Variants in ADCY10 observed in about 807,000 individuals in gnomAD.
ADCY10 encodes the protein adenylate cyclase 10.
ADCY10 carries 156 observed loss-of-function variants against 183.3 expected under a neutral mutation model. The ratio of observed to expected loss-of-function variants is 0.85; its 90% CI spans 0.75 to 0.97. The LOEUF is 0.97. ADCY10 is among the 50% of genes least tolerant of loss of function. ADCY10 has a pLI of 0.00. For missense variants in ADCY10, 1,745 were observed against 1,934.3 expected, an observed-to-expected ratio of 0.90 and a Z score of 1.84; for synonymous variants, 645 against 670.0, an observed-to-expected ratio of 0.96 and a Z score of 0.58.
chr1:167,829,643 A>G (rs1459802146), intron 25 of ADCY10, among the ~76,000 whole-genome samples: 2 of 152,236 alleles, frequency 1.3e-5, no homozygotes, highest in Non-Finnish European at 2.9e-5. Context: ...TATAATGATT[A>G]AGATAATTTA....
chr1:167,902,850 C>T (rs1276883753), intron 3 of ADCY10, among the ~76,000 whole-genome samples: 1 of 152,242 alleles, frequency 6.6e-6, no homozygotes, highest in Non-Finnish European at 1.5e-5. Context: ...AGTGCTTCAG[C>T]ATCCATCATT....
chr1:167,899,387 G>T (rs970473975), intron 6 of ADCY10, 36 bp downstream of exon 6: 3 of 1,605,856 alleles, frequency 1.9e-6, no homozygotes, highest in Admixed American at 1.7e-5. Context: ...GTTACAGGCT[G>T]GCAGAACTTT....
At chr1:167,893,297 G>A (rs144877227) in intron 8 of ADCY10, among the ~76,000 whole-genome samples, 81 of 152,224 alleles carry the variant, frequency 5.3e-4, no homozygotes, top group Non-Finnish European at 1.1e-3. Context: ...TCCCATTTGC[G>A]CAATTATATA....
At chr1:167,820,074 G>A in intron 30 of ADCY10, 1 of 1,569,924 alleles carries the variant, frequency 6.4e-7, no homozygotes, top group Admixed American at 1.8e-5. Context: ...TCATCCTTGA[G>A]ATAAAATTTG....
intron 31 of ADCY10, among the ~76,000 whole-genome samples, chr1:167,816,258 AT>A (rs1239152723): frequency 6.6e-6 from 1 of 152,112 alleles, no homozygotes; most frequent in Non-Finnish European, 1.5e-5. Flanking sequence ...AAGATAAAAA[AT>A]TTTAGGTCAG....
chr1:167,835,581 G>A (rs1664134569), intron 23 of ADCY10, among the ~76,000 whole-genome samples: 1 of 152,078 alleles, frequency 6.6e-6, no homozygotes, highest in South Asian at 2.1e-4. Flanking sequence ...AGCCTCTTTG[G>A]GGATCACAAT....
intron 13 of ADCY10, 107 bp from the exon 14 acceptor site, chr1:167,870,517 G>T: frequency 9.8e-7 from 1 of 1,021,186 alleles, no homozygotes; most frequent in Non-Finnish European, 1.5e-6. Flanking sequence ...CTTGGGCCAG[G>T]CGCTGTGGCT....
At chr1:167,858,643 G>C (rs1242269347) in intron 16 of ADCY10, among the ~76,000 whole-genome samples, 2 of 152,096 alleles carry the variant, frequency 1.3e-5, no homozygotes, top group African/African-American at 4.8e-5. Context: ...ACAGAAGCCT[G>C]GTGGAAGAAG....
intron 15 of ADCY10, 152 bp downstream of exon 15, chr1:167,860,719 A>T (rs2102047742): frequency 1.5e-6 from 1 of 671,808 alleles, no homozygotes; most frequent in Admixed American, 2.5e-5. Context: ...AAGAATGTTG[A>T]TGCACATCCA....
chr1:167,829,244 G>C (rs778148521), intron 26 of ADCY10, 23 bp downstream of exon 26: 5 of 1,613,558 alleles, frequency 3.1e-6, no homozygotes, highest in Middle Eastern at 3.3e-4. Context: ...AAACTTAAAG[G>C]AGCAGCTACA....
intron 21 of ADCY10, among the ~76,000 whole-genome samples, chr1:167,844,633 TG>T (rs1387331685): frequency 6.6e-6 from 1 of 151,994 alleles, no homozygotes; most frequent in Non-Finnish European, 1.5e-5. Flanking sequence ...ATCTATACAA[TG>T]AAAACAACCC....
chr1:167,816,009 A>G (rs771270483), intron 31 of ADCY10, among the ~76,000 whole-genome samples: 3 of 151,794 alleles, frequency 2.0e-5, no homozygotes, highest in Non-Finnish European at 2.9e-5. Context: ...ACCATAACAG[A>G]ATATCCAAGG....
At chr1:167,870,518 C>T (rs1204158450) in intron 13 of ADCY10, 108 bp from the exon 14 acceptor site, 14 of 988,202 alleles carry the variant, frequency 1.4e-5, no homozygotes, top group Admixed American at 2.1e-5. Context: ...TTGGGCCAGG[C>T]GCTGTGGCTC....
intron 30 of ADCY10, chr1:167,819,989 T>C: frequency 1.3e-6 from 2 of 1,516,296 alleles, no homozygotes; most frequent in Non-Finnish European, 1.8e-6. Context: ...ACTAACAAAG[T>C]GGATGACTCT....
At chr1:167,903,594 C>A (rs1557834862) in intron 3 of ADCY10, among the ~76,000 whole-genome samples, 2 of 152,008 alleles carry the variant, frequency 1.3e-5, no homozygotes, top group East Asian at 3.9e-4. Flanking sequence ...AATATAAATA[C>A]TTGGATATAT....
At chr1:167,841,502 C>CTTTTTTTTTTTTTTT (rs71100905) in intron 21 of ADCY10, among the ~76,000 whole-genome samples, 1 of 90,902 alleles carries the variant, frequency 1.1e-5, no homozygotes, top group Non-Finnish European at 1.9e-5. Context: ...ATATGCTTTC[C>CTTTTTTTTTTTTTTT]TTTTTTTTTT....
intron 14 of ADCY10, among the ~76,000 whole-genome samples, chr1:167,869,566 C>T (rs129717): frequency 0.088 from 13,430 of 152,042 alleles, 1,811 homozygotes; most frequent in African/African-American, 0.3. Context: ...TGACCTAAGC[C>T]TGGTAGTTAA....
intron 16 of ADCY10, among the ~76,000 whole-genome samples, chr1:167,857,101 A>G (rs746600135): frequency 2.0e-5 from 3 of 152,186 alleles, no homozygotes; most frequent in Non-Finnish European, 4.4e-5. Context: ...TACAGTCTCA[A>G]ACAAAATACG....
rs1664928838 is a variant in ADCY10 at position 167,845,379 on chromosome 1, A to G, written c.3007+184T>C. 3 of 649,146 alleles carry G rather than the reference A, an allele frequency of 4.6e-6. No homozygotes were observed. The East Asian group carries it at 8.2e-5, about 18-fold the overall frequency. The allele number at this position is 649,146 out of a possible 1,614,324, so 40.2% of individuals were successfully genotyped here. ...ATAGTGAGATTGGTTCGCTAGACTCAATACAGGTACATTCCCTTACTTTTC... is the reference window on the plus strand; with the variant it reads ...ATAGTGAGATTGGTTCGCTAGACTCGATACAGGTACATTCCCTTACTTTTC... On this transcript the variant is annotated intron_variant, in intron 21 of 32. Coordinates refer to ENST00000367851, the MANE Select transcript of ADCY10 (RefSeq NM_018417.6).
Sources: allele counts gnomAD v4.1 joint callset (sites outside exome capture counted in the v4.1 genomes callset), GRCh38; gene constraint gnomAD v4.1.1; transcripts MANE v1.5; gene names NCBI Gene and HGNC (gene_info 2026-07-23, HGNC 2026-07-21).